ABTB2: variants seen among roughly 807,000 people sequenced by gnomAD.
ABTB2 encodes the protein ankyrin repeat and BTB/POZ domain-containing protein 2.
ABTB2 carries 56 observed loss-of-function variants against 104.1 expected under a neutral mutation model. The observed-to-expected ratio is 0.54, with a 90% CI of 0.43 to 0.67. The LOEUF is 0.67. Ranked by LOEUF, ABTB2 falls within the 30% of genes least tolerant of loss-of-function variation. ABTB2 has a pLI of 0.00. For synonymous variants in ABTB2, 606 were observed against 608.2 expected, an observed-to-expected ratio of 1.00 and a Z score of 0.05; for missense variants, 1,279 against 1,407.7, an observed-to-expected ratio of 0.91 and a Z score of 1.46.
chr11:34,259,466 G>A (rs180982587), intron 1 of ABTB2, among the ~76,000 whole-genome samples: 10 of 152,288 alleles, frequency 6.6e-5, no homozygotes, highest in Admixed American at 6.5e-4. Flanking sequence ...TTTGTTTTGT[G>A]GAGAATGAAG....
At chr11:34,292,392 C>T (rs1319867763) in intron 1 of ABTB2, among the ~76,000 whole-genome samples, 1 of 151,176 alleles carries the variant, frequency 6.6e-6, no homozygotes, top group African/African-American at 2.5e-5. Context: ...GCTAGTTTTC[C>T]TCGGGTTCTT....
At position 34,252,694 on chromosome 11, in the gene ABTB2, T is replaced by G. The variant is rs946247325; in HGVS notation, c.884-48004A>C. On this transcript the variant is annotated intron_variant, in intron 1 of 16. Coordinates refer to ENST00000435224, the MANE Select transcript of ABTB2 (RefSeq NM_145804.3). The surrounding 1 kb of genome is among the most constrained non-coding windows in gnomAD (Gnocchi z 5.5). ...CTCTCCTGCCCTGGGGCTCCCCTAC[T>G]TCAAATAATCCTCTCCTGTCTTATT... Among the ~76,000 whole-genome samples, 5 of 152,130 alleles carry G rather than the reference T, an allele frequency of 3.3e-5. No homozygotes were observed. Among genetic ancestry groups the G allele is most frequent in the African/African-American group, 1.2e-4 (5 of 41,406 alleles).
intron 8 of ABTB2, 113 bp from the exon 9 acceptor site, chr11:34,164,934 C>T (rs1008969555): frequency 9.0e-5 from 116 of 1,285,236 alleles, no homozygotes; most frequent in Non-Finnish European, 1.1e-4. Flanking sequence ...TGGAATAAGT[C>T]AGTAAACCCC....
intron 1 of ABTB2, among the ~76,000 whole-genome samples, chr11:34,248,839 G>T (rs7936567): frequency 6.6e-6 from 1 of 152,106 alleles, no homozygotes; most frequent in Non-Finnish European, 1.5e-5. Flanking sequence ...ACTGCATAAA[G>T]GCATACCACA....
At chr11:34,173,993 C>T (rs909997717) in intron 3 of ABTB2, among the ~76,000 whole-genome samples, 2 of 152,148 alleles carry the variant, frequency 1.3e-5, no homozygotes, top group Non-Finnish European at 1.5e-5. Flanking sequence ...GGGCTGACAC[C>T]ACTTCGTGTG....
intron 1 of ABTB2, among the ~76,000 whole-genome samples, chr11:34,293,719 A>G (rs531433283): frequency 2.0e-5 from 3 of 151,630 alleles, no homozygotes; most frequent in Non-Finnish European, 4.4e-5. Flanking sequence ...TAAGGAAAAC[A>G]AGGTAAATTT....
chr11:34,357,869 A>C lies in ABTB2; in HGVS notation c.-286T>G. 2.7e-6 allele frequency: 1 copy of C among 369,658 alleles called. No homozygotes were observed. The allele number at this position is 369,658 out of a possible 1,614,324, so 22.9% of individuals were successfully genotyped here. ...CCCCTTGTCCACCTCTAATTCCCACAAGCAGAGAGTCAGTCCTCCACAGAG... is the reference window on the plus strand; with the variant it reads ...CCCCTTGTCCACCTCTAATTCCCACCAGCAGAGAGTCAGTCCTCCACAGAG... On this transcript the variant is annotated 5_prime_UTR_variant, in exon 1 of 17. Coordinates refer to ENST00000435224, the MANE Select transcript of ABTB2 (RefSeq NM_145804.3).
rs573244853 is a variant in ABTB2, at chr11:34,223,818, G to T, written c.884-19128C>A. Among the ~76,000 whole-genome samples the T allele has an allele frequency of 3.9e-5, 6 of 152,294 alleles. No homozygotes were observed. The South Asian group carries it at 1.2e-3, about 32-fold the overall frequency. On this transcript the variant is annotated intron_variant, in intron 1 of 16. Coordinates refer to ENST00000435224, the MANE Select transcript of ABTB2 (RefSeq NM_145804.3). ...CCCTCAAGTCAACTGCCAGAGGGTGGAGAAAACTACTAGAACATTCTCCTT... is the reference window on the plus strand; with the variant it reads ...CCCTCAAGTCAACTGCCAGAGGGTGTAGAAAACTACTAGAACATTCTCCTT...
intron 1 of ABTB2, among the ~76,000 whole-genome samples, chr11:34,232,885 G>C (rs919159597): frequency 6.6e-6 from 1 of 151,986 alleles, no homozygotes; most frequent in Non-Finnish European, 1.5e-5. Context: ...TCTTGAGCCT[G>C]TGAGGTCAGG....
At chr11:34,260,407 A>C (rs1854174389) in intron 1 of ABTB2, among the ~76,000 whole-genome samples, 1 of 152,214 alleles carries the variant, frequency 6.6e-6, no homozygotes, top group Non-Finnish European at 1.5e-5. Context: ...CTCCTGAATA[A>C]TAAACACAGA....
chr11:34,351,980 C>T (rs1030333370), intron 1 of ABTB2, among the ~76,000 whole-genome samples: 2 of 152,110 alleles, frequency 1.3e-5, no homozygotes, highest in African/African-American at 4.8e-5. Flanking sequence ...TCAGTTTTAC[C>T]AACTCTCTTG....
intron 1 of ABTB2, among the ~76,000 whole-genome samples, chr11:34,333,226 T>C (rs935197644): frequency 1.3e-5 from 2 of 152,120 alleles, no homozygotes; most frequent in African/African-American, 4.8e-5. Flanking sequence ...ATAATAGTTA[T>C]GTGGGGTAGA....
chr11:34,168,124 G>A, intron 5 of ABTB2, 132 bp from the exon 6 acceptor site: 1 of 893,570 alleles, frequency 1.1e-6, no homozygotes, highest in Non-Finnish European at 1.8e-6. Flanking sequence ...GGTCCCCCAG[G>A]CTCTGTGCTT....
chr11:34,222,289 A>T (rs1853634325), intron 1 of ABTB2, among the ~76,000 whole-genome samples: 1 of 152,176 alleles, frequency 6.6e-6, no homozygotes. Flanking sequence ...ATAGATGATA[A>T]ATGCTTCTGC....
chr11:34,255,496 T>A (rs2133071301), intron 1 of ABTB2, among the ~76,000 whole-genome samples: 1 of 152,084 alleles, frequency 6.6e-6, no homozygotes, highest in South Asian at 2.1e-4. Context: ...ATTAAAAACT[T>A]CTTTTTTTTT....
intron 13 of ABTB2, 141 bp from the exon 14 acceptor site, chr11:34,159,527 C>A: frequency 1.5e-6 from 1 of 649,400 alleles, no homozygotes; most frequent in Non-Finnish European, 2.7e-6. Context: ...AAATAATTTT[C>A]AGCAAGTGCC....
intron 1 of ABTB2, among the ~76,000 whole-genome samples, chr11:34,225,548 G>A (rs1174589617): frequency 6.6e-6 from 1 of 151,986 alleles, no homozygotes; most frequent in Non-Finnish European, 1.5e-5. Flanking sequence ...CTGAGGTCAG[G>A]AGTTCGAGAT....
chr11:34,287,790 A>G (rs933473051), intron 1 of ABTB2, among the ~76,000 whole-genome samples: 2 of 151,642 alleles, frequency 1.3e-5, no homozygotes, highest in African/African-American at 4.9e-5. Context: ...AGGCAGCTGA[A>G]CCCTCTCCTC....
At chr11:34,311,721 A>T (rs1438298459) in intron 1 of ABTB2, among the ~76,000 whole-genome samples, 2 of 152,198 alleles carry the variant, frequency 1.3e-5, no homozygotes, top group African/African-American at 4.8e-5. Flanking sequence ...ATTCTTTCCT[A>T]GGGTAATTAT....
Sources: allele counts gnomAD v4.1 joint callset (sites outside exome capture counted in the v4.1 genomes callset), GRCh38; gene constraint gnomAD v4.1.1; non-coding constraint Gnocchi (gnomAD v3.1); transcripts MANE v1.5; gene names NCBI Gene and HGNC (gene_info 2026-07-23, HGNC 2026-07-21).